ZNF76: variants seen among roughly 807,000 people sequenced by gnomAD.
ZNF76 encodes the protein zinc finger protein 76, also known as zinc finger protein 523.
Under a neutral mutation model 66.9 loss-of-function variants are expected in ZNF76, and 66 were observed. That is an observed-to-expected ratio of 0.99 (90% CI 0.81 to 1.21). The LOEUF (loss-of-function observed/expected upper bound fraction) is 1.21. ZNF76 is among the 50% of genes most tolerant of loss of function. The pLI is 0.00. For synonymous variants in ZNF76, 275 were observed against 296.1 expected (o/e 0.93, Z 0.73); for missense variants, 729 against 760.3 (o/e 0.96, Z 0.48).
rs1789588657 is a variant in ZNF76 at position 35,286,485 on chromosome 6, A to G, written c.232+86A>G. ...GCAGGACTGGAGGATGGGATGGCAC[A>G]CAACTGGGGTGTAGACATGGGAGCT... On this transcript the variant is annotated intron_variant, in intron 4 of 13. Transcript: ENST00000373953. The G allele has an allele frequency of 2.4e-6, 3 of 1,249,370 alleles. No individual in the cohort carries two copies. In the East Asian group the frequency reaches 7.0e-5, roughly 29 times the overall value. 77.4% of individuals were successfully genotyped at this position (1,249,370 alleles called of 1,614,324 possible).
intron 1 of ZNF76, among the ~76,000 whole-genome samples, chr6:35,264,359 G>A (rs1256464244): frequency 6.6e-6 from 1 of 152,196 alleles, no homozygotes; most frequent in Non-Finnish European, 1.5e-5. Flanking sequence ...TAGGTTGTTT[G>A]ACGCAGTTGC....
chr6:35,270,955 C>T (rs1786963654), intron 1 of ZNF76, among the ~76,000 whole-genome samples: 2 of 152,196 alleles, frequency 1.3e-5, no homozygotes, highest in Admixed American at 1.3e-4. Flanking sequence ...GCACTCCTGC[C>T]TAGGCGACAG....
intron 2 of ZNF76, among the ~76,000 whole-genome samples, chr6:35,285,439 G>A (rs145181181): frequency 1.5e-3 from 233 of 152,252 alleles, no homozygotes; most frequent in African/African-American, 5.2e-3. Context: ...TATATACCTG[G>A]CACTCTTCCC....
At chr6:35,263,314 T>C (rs1785518591) in intron 1 of ZNF76, among the ~76,000 whole-genome samples, 1 of 152,224 alleles carries the variant, frequency 6.6e-6, no homozygotes, top group Admixed American at 6.5e-5. Flanking sequence ...TATCCTGTTA[T>C]GAAGCTGCTT....
At chr6:35,285,402 A>G (rs1789418360) in intron 2 of ZNF76, among the ~76,000 whole-genome samples, 5 of 152,232 alleles carry the variant, frequency 3.3e-5, no homozygotes, top group Admixed American at 2.6e-4. Flanking sequence ...CTTATAATAA[A>G]AGCTAGGATT....
intron 1 of ZNF76, chr6:35,279,822 A>G (rs1788491549): frequency 6.6e-6 from 1 of 152,480 alleles, no homozygotes; most frequent in Non-Finnish European, 1.5e-5. Context: ...AGCCTTCCAA[A>G]TGTATTGTAT....
intron 1 of ZNF76, among the ~76,000 whole-genome samples, chr6:35,276,788 TG>T (rs1447764177): frequency 3.5e-5 from 4 of 114,496 alleles, no homozygotes; most frequent in Admixed American, 1.3e-4. Context: ...TATTTATTTA[TG>T]GGTTTTTTTT....
rs779418580 is a variant in ZNF76, at chr6:35,291,555, T to C, written c.752-3T>C. On this transcript the variant is annotated splice_polypyrimidine_tract_variant and splice_region_variant and intron_variant, in intron 8 of 13. Coordinates refer to ENST00000373953, the MANE Select transcript of ZNF76 (RefSeq NM_003427.5). Reference sequence around the variant, plus strand: ...CCCTCCTCACATCCCACCATTTGCATAGGTGAACGCCCGTTCCAGTGCCCT... The same window carrying C: ...CCCTCCTCACATCCCACCATTTGCACAGGTGAACGCCCGTTCCAGTGCCCT... 5 of 1,611,186 alleles carry C rather than the reference T, an allele frequency of 3.1e-6. No homozygotes were observed. Among genetic ancestry groups the C allele is most frequent in the East Asian group, 2.2e-5 (1 of 44,790 alleles).
At chr6:35,280,527 C>A (rs992516268) in intron 1 of ZNF76, among the ~76,000 whole-genome samples, 22 of 137,530 alleles carry the variant, frequency 1.6e-4, no homozygotes, top group East Asian at 1.0e-3. Context: ...CCCCCCCCCC[C>A]CCGCCCTGAA....
intron 12 of ZNF76, 141 bp downstream of exon 12, chr6:35,294,056 C>T: frequency 9.9e-7 from 1 of 1,005,642 alleles, no homozygotes; most frequent in Non-Finnish European, 1.4e-6. Flanking sequence ...CCCCACAGTT[C>T]CTGGGCCATG....
At chr6:35,288,099 T>C in intron 5 of ZNF76, 1 of 664,476 alleles carries the variant, frequency 1.5e-6, no homozygotes, top group Non-Finnish European at 2.8e-6. Context: ...TTGTTTACGC[T>C]GTCTTTGCAG....
intron 5 of ZNF76, among the ~76,000 whole-genome samples, chr6:35,288,891 C>T (rs1432011195): frequency 1.4e-5 from 2 of 144,362 alleles, no homozygotes; most frequent in Admixed American, 1.5e-4. Context: ...GCGGTGACTG[C>T]AATGAGCTGA....
At chr6:35,274,632 A>G (rs981636860) in intron 1 of ZNF76, among the ~76,000 whole-genome samples, 4 of 152,196 alleles carry the variant, frequency 2.6e-5, no homozygotes, top group Admixed American at 6.5e-5. Context: ...GGCTAAGGCA[A>G]GAGGATCGCT....
chr6:35,283,926 A>G (rs1789146318), intron 2 of ZNF76, among the ~76,000 whole-genome samples: 1 of 152,152 alleles, frequency 6.6e-6, no homozygotes, highest in Non-Finnish European at 1.5e-5. Flanking sequence ...TACTGACCCC[A>G]AGAAGACTCA....
chr6:35,261,224 A>G (rs1785206040), intron 1 of ZNF76, among the ~76,000 whole-genome samples: 1 of 152,216 alleles, frequency 6.6e-6, no homozygotes, highest in African/African-American at 2.4e-5. Context: ...GTTAGAAATG[A>G]GAAGCTGCTA....
At chr6:35,291,781 A>G (rs772157163) in intron 9 of ZNF76, 44 bp downstream of exon 9, 1 of 1,594,242 alleles carries the variant, frequency 6.3e-7, no homozygotes, top group Non-Finnish European at 8.5e-7. Context: ...TCAGGCCCCA[A>G]CCCCTCTACT....
At chr6:35,295,065 T>A (rs1582214869) in intron 13 of ZNF76, 79 bp from the exon 14 acceptor site, 3 of 1,121,604 alleles carry the variant, frequency 2.7e-6, no homozygotes, top group East Asian at 5.2e-5. Context: ...AAAAAAAAAG[T>A]AGGCCACATA....
At chr6:35,261,146 C>A (rs1785192136) in intron 1 of ZNF76, among the ~76,000 whole-genome samples, 1 of 152,206 alleles carries the variant, frequency 6.6e-6, no homozygotes, top group Non-Finnish European at 1.5e-5. Flanking sequence ...AATAGTAGTG[C>A]CTGACATAAC....
rs1195390259 is a variant in ZNF76 at position 35,292,073 on chromosome 6, C to T, written c.931+336C>T. The T allele has an allele frequency of 4.4e-6, 2 of 455,434 alleles. No homozygotes were observed. Among genetic ancestry groups the T allele is most frequent in the Non-Finnish European group, 8.1e-6 (2 of 246,088 alleles). The allele number at this position is 455,434 out of a possible 1,614,324, so 28.2% of individuals were successfully genotyped here. A position where few individuals can be genotyped will look rare whatever the true frequency, so the allele number is the denominator to read the frequency against. On this transcript the variant is annotated intron_variant, in intron 9 of 13. Coordinates refer to ENST00000373953, the MANE Select transcript of ZNF76 (RefSeq NM_003427.5). This position sits in a 1 kb window ranked among gnomAD's most constrained non-coding sequence, Gnocchi z 4.7. ...AATGATGGGGAAGAAGCAGAGTGAA[C>T]TGTCACCTTCAACTCCTCACCTTAT...
Sources: allele counts gnomAD v4.1 joint callset (sites outside exome capture counted in the v4.1 genomes callset), GRCh38; gene constraint gnomAD v4.1.1; non-coding constraint Gnocchi (gnomAD v3.1); transcripts MANE v1.5; gene names NCBI Gene and HGNC (gene_info 2026-07-23, HGNC 2026-07-21).